CPEB2: variants seen among roughly 807,000 people sequenced by gnomAD.
The protein encoded by CPEB2 is cytoplasmic polyadenylation element binding protein 2.
A neutral mutation model predicts 93.6 loss-of-function variants in CPEB2; 56 were observed. That is an observed-to-expected ratio of 0.60 (90% CI 0.48 to 0.75). The LOEUF is 0.75. Ranked by LOEUF, CPEB2 falls within the 30% of genes least tolerant of loss-of-function variation. The pLI is 0.00. For missense variants in CPEB2, 1,579 were observed against 1,395.1 expected, an observed-to-expected ratio of 1.13 and a Z score of -2.10; for synonymous variants, 764 against 586.3, an observed-to-expected ratio of 1.30 and a Z score of -4.38.
intron 5 of CPEB2, among the ~76,000 whole-genome samples, chr4:15,033,937 A>G (rs1035247999): frequency 5.3e-5 from 8 of 152,132 alleles, no homozygotes; most frequent in South Asian, 2.1e-4. Flanking sequence ...AAAAAATATC[A>G]TTAGAATGGC....
intron 4 of CPEB2, among the ~76,000 whole-genome samples, chr4:15,018,969 T>TATATATATATATATATAC (rs1479960595): frequency 6.5e-4 from 90 of 139,122 alleles, no homozygotes; most frequent in Non-Finnish European, 1.2e-3. Context: ...TATATATATA[T>TATATATATATATATATAC]ACACACGCAC....
rs914315162 is a variant in CPEB2, at chr4:15,004,161, T to A, written c.1488T>A (p.Ala496=). The change falls in exon 1 of 12, where the codon GCT becomes GCA. Residue 496 remains alanine (A), a synonymous_variant. Transcript: ENST00000538197. ...GGFGGPFSAT[A]VPPPPPPAMN... is the part of the protein sequence containing the mutation. ...TCGGCGGCCCCTTCTCGGCTACCGC[T>A]GTGCCCCCTCCGCCGCCGCCCGCCA... 5 of 1,127,906 alleles carry A rather than the reference T, an allele frequency of 4.4e-6. No homozygotes were observed. The highest frequency in any genetic ancestry group is 1.8e-5 in the African/African-American group (1 of 56,680). The allele number at this position is 1,127,906 out of a possible 1,614,324, so 69.9% of individuals were successfully genotyped here. A position where few individuals can be genotyped will look rare whatever the true frequency, so the allele number is the denominator to read the frequency against.
chr4:15,007,382 G>C lies in CPEB2; in HGVS notation c.1740G>C (p.Met580Ile). 1 of 1,613,222 alleles carries C rather than the reference G, an allele frequency of 6.2e-7. No homozygotes were observed. Among genetic ancestry groups the C allele is most frequent in the Non-Finnish European group, 8.5e-7 (1 of 1,179,496 alleles). ...WGTGSMSWGA[M>I]HGRDHRRTGN... ...CTGGAAGTATGTCCTGGGGAGCAATGCATGGCAGAGATCATCGTAGAACCG... is the reference window on the plus strand; with the variant it reads ...CTGGAAGTATGTCCTGGGGAGCAATCCATGGCAGAGATCATCGTAGAACCG... The change falls in exon 2 of 12, where the codon ATG becomes ATC. Residue 580 changes from methionine to isoleucine, a missense_variant. Met to Ile is a conservative substitution (Grantham distance 10). Coordinates refer to ENST00000538197, the MANE Select transcript of CPEB2 (RefSeq NM_001177382.2).
chr4:15,035,015 T>C (rs1235470618), intron 5 of CPEB2, among the ~76,000 whole-genome samples: 1 of 152,216 alleles, frequency 6.6e-6, no homozygotes, highest in Non-Finnish European at 1.5e-5. Flanking sequence ...TTAAATGTTA[T>C]TGACTGATTA....
intron 4 of CPEB2, among the ~76,000 whole-genome samples, chr4:15,029,022 G>A (rs1725792095): frequency 6.6e-6 from 1 of 152,096 alleles, no homozygotes; most frequent in Non-Finnish European, 1.5e-5. Flanking sequence ...ACCACCCAGA[G>A]ATACCAAGAT....
rs1169487460 is a variant in CPEB2 at position 15,003,735 on chromosome 4, C to G, written c.1062C>G (p.Gly354=). ...ACCTTCCACACCCGGGCGGCGGCGG[C>G]GGCGGCGGGGGCGGGGGGCCCCCAG... ...SPDLPHPGGG[G]GGGGGGPPGG... Residue 354 remains glycine (G), a synonymous_variant, in exon 1 of 12, where the codon GGC becomes GGG. Coordinates refer to ENST00000538197, the MANE Select transcript of CPEB2 (RefSeq NM_001177382.2). 8.3e-7 allele frequency: 1 copy of G among 1,211,464 alleles called. No homozygotes were observed. The highest frequency in any genetic ancestry group is 1.0e-6 in the Non-Finnish European group (1 of 975,016). The allele number at this position is 1,211,464 out of a possible 1,614,324, so 75.0% of individuals were successfully genotyped here. A position where few individuals can be genotyped will look rare whatever the true frequency, so the allele number is the denominator to read the frequency against.
At chr4:15,053,714 T>G (rs574147356) in intron 7 of CPEB2, among the ~76,000 whole-genome samples, 1 of 152,326 alleles carries the variant, frequency 6.6e-6, no homozygotes, top group Admixed American at 6.5e-5. Flanking sequence ...ATTGTAGTTA[T>G]TCAAGTCTTG....
intron 1 of CPEB2, among the ~76,000 whole-genome samples, chr4:15,005,785 T>C (rs1560211070): frequency 6.6e-6 from 1 of 152,256 alleles, no homozygotes; most frequent in East Asian, 1.9e-4. Flanking sequence ...AAAGAGAATG[T>C]GGCCTATGAG....
chr4:15,019,281 T>G (rs1724553771), intron 4 of CPEB2, among the ~76,000 whole-genome samples: 1 of 151,710 alleles, frequency 6.6e-6, no homozygotes. Flanking sequence ...TATTTAAAAT[T>G]ATCTTGGTAC....
Position 15,002,831 on chromosome 4 carries a change from T to C in CPEB2, c.158T>C (p.Leu53Ser), listed in dbSNP as rs1014687422. The C allele has an allele frequency of 1.3e-6, 2 of 1,534,916 alleles. No individual in the cohort carries two copies. The highest frequency in any genetic ancestry group is 1.7e-6 in the Non-Finnish European group (2 of 1,146,530). The change falls in exon 1 of 12, where the codon TTG (leucine) becomes TCG (serine). Residue 53 changes from leucine (L) to serine (S), a missense_variant. By Grantham distance (145) the Leu-to-Ser change is moderately radical (BLOSUM62 -2). This residue lies in a region of CPEB2 where 1,411 missense variants were observed against 1,056.0 expected (regional missense o/e 1.34). Transcript: ENST00000538197. The stretch of plus-strand genomic sequence containing the variant: ...TTCGGCCCACTGTCGCCACCACCGT[T>C]GCCTGTCACCGGCTTCTTAGAGGCC... ...TPFGPLSPPP[L>S]PVTGFLEAAS... is the part of the protein sequence containing the mutation.
chr4:15,004,191 T>C lies in CPEB2; in HGVS notation c.1518T>C (p.Asn506=). ...CCCCTCCGCCGCCGCCCGCCATGAA[T>C]ATACCTCAACAGCAGCCCCCGCCGC... is the stretch of plus-strand genomic sequence containing the variant. ...AVPPPPPPAM[N]IPQQQPPPPA... The change falls in exon 1 of 12, where the codon AAT becomes AAC. Residue 506 remains asparagine, a synonymous_variant. Transcript: ENST00000538197. The C allele has an allele frequency of 1.5e-6, 2 of 1,300,328 alleles. No homozygotes were observed. Among genetic ancestry groups the C allele is most frequent in the African/African-American group, 1.7e-5 (1 of 60,546 alleles). 80.5% of individuals were successfully genotyped at this position (1,300,328 alleles called of 1,614,324 possible).
intron 1 of CPEB2, among the ~76,000 whole-genome samples, 187 bp downstream of exon 1, chr4:15,004,522 G>T (rs2108940045): frequency 6.6e-6 from 1 of 152,234 alleles, no homozygotes; most frequent in Non-Finnish European, 1.5e-5. Context: ...CCAGCCCCCG[G>T]TGGGTTGGGA....
At chr4:15,018,969 T>TATATATATATATATAC (rs1479960595) in intron 4 of CPEB2, among the ~76,000 whole-genome samples, 153 of 139,096 alleles carry the variant, frequency 1.1e-3, no homozygotes, top group Middle Eastern at 3.9e-3. Context: ...TATATATATA[T>TATATATATATATATAC]ACACACGCAC....
At chr4:15,007,262 A>T (rs767292177) in intron 1 of CPEB2, 43 bp from the exon 2 acceptor site, 1 of 1,396,670 alleles carries the variant, frequency 7.2e-7, no homozygotes, top group Non-Finnish European at 9.4e-7. Flanking sequence ...TTGAATTGTA[A>T]ATTCTTTAAA....
chr4:15,031,891 A>T (rs1316011103), intron 4 of CPEB2, among the ~76,000 whole-genome samples: 2 of 152,106 alleles, frequency 1.3e-5, no homozygotes, highest in African/African-American at 4.8e-5. Flanking sequence ...GGGCCTGTAG[A>T]GTGTAGAGGG....
chr4:15,020,875 G>A (rs1231832719), intron 4 of CPEB2, among the ~76,000 whole-genome samples: 1 of 152,080 alleles, frequency 6.6e-6, no homozygotes, highest in African/African-American at 2.4e-5. Context: ...AAGATTATGA[G>A]GTGTTTAGAG....
chr4:15,066,159 G>A lies in CPEB2; in HGVS notation c.2884G>A (p.Val962Ile), dbSNP rs1729691840. The A allele has an allele frequency of 1.2e-6, 2 of 1,612,046 alleles. No homozygotes were observed. The highest frequency in any genetic ancestry group is 1.7e-6 in the Non-Finnish European group (2 of 1,178,586). The stretch of plus-strand genomic sequence containing the variant: ...AACTTTCTTTTTTTTCAAGGTGGAG[G>A]TAAAGCCATATGTGCTAGATGACCA... ...QHGDIDKRVE[V>I]KPYVLDDQMC... The change falls in exon 12 of 12, where the codon GTA becomes ATA. Residue 962 changes from valine to isoleucine, a missense_variant. Val to Ile is a conservative substitution (Grantham distance 29). Transcript: ENST00000538197.
At chr4:15,043,829 G>C (rs1727413323) in intron 6 of CPEB2, among the ~76,000 whole-genome samples, 1 of 152,016 alleles carries the variant, frequency 6.6e-6, no homozygotes, top group African/African-American at 2.4e-5. Flanking sequence ...TGAGAAGATA[G>C]GAGAAATAAT....
At chr4:15,048,974 C>A (rs1037272417) in intron 6 of CPEB2, among the ~76,000 whole-genome samples, 11 of 151,948 alleles carry the variant, frequency 7.2e-5, no homozygotes, top group Non-Finnish European at 1.6e-4. Flanking sequence ...GTTAACTCTT[C>A]TTTTAAATGA....
Sources: gnomAD v4.1 joint callset for allele counts (sites outside exome capture counted in the v4.1 genomes callset) on GRCh38, gnomAD v4.1.1 for gene constraint, gnomAD v4.1.1 regional missense constraint, MANE v1.5 for transcripts, NCBI Gene and HGNC (gene_info 2026-07-23, HGNC 2026-07-21) for gene names.